Variants in PDE4D observed in about 807,000 individuals in gnomAD.
PDE4D encodes 3',5'-cyclic-AMP phosphodiesterase 4D.
A neutral mutation model predicts 87.4 loss-of-function variants in PDE4D; 24 were observed. That is an observed-to-expected ratio of 0.27 (90% confidence interval 0.20 to 0.39). The LOEUF (loss-of-function observed/expected upper bound fraction) is 0.39. PDE4D is among the 10% of genes least tolerant of loss of function. The pLI is 1.00. For missense variants in PDE4D, 714 were observed against 1,041.0 expected, an observed-to-expected ratio of 0.69 and a Z score of 4.32; for synonymous variants, 384 against 383.2, an observed-to-expected ratio of 1.00 and a Z score of -0.02.
intron 1 of PDE4D, among the ~76,000 whole-genome samples, chr5:59,816,866 C>G (rs1377820516): frequency 6.6e-6 from 1 of 152,220 alleles, no homozygotes; most frequent in East Asian, 1.9e-4. Flanking sequence ...TCACCAGAAC[C>G]TCAGCATGCA....
chr5:59,417,927 A>C (rs1046985697), intron 1 of PDE4D, among the ~76,000 whole-genome samples: 1 of 152,190 alleles, frequency 6.6e-6, no homozygotes. Context: ...TTGAAAAGCA[A>C]AAACAACAAC....
At chr5:59,088,062 C>T (rs1768030732) in intron 5 of PDE4D, among the ~76,000 whole-genome samples, 1 of 152,054 alleles carries the variant, frequency 6.6e-6, no homozygotes, top group South Asian at 2.1e-4. Context: ...CCTAGGCATG[C>T]AATACATGTT....
intron 1 of PDE4D, among the ~76,000 whole-genome samples, chr5:60,239,027 C>T (rs1161987545): frequency 6.6e-6 from 1 of 151,988 alleles, no homozygotes; most frequent in Non-Finnish European, 1.5e-5. Flanking sequence ...GGGTTTTAGT[C>T]TTAAGAAATC....
At chr5:59,937,658 C>G (rs905149331) in intron 3 of PDE4D, among the ~76,000 whole-genome samples, 1 of 152,166 alleles carries the variant, frequency 6.6e-6, no homozygotes, top group South Asian at 2.1e-4. Context: ...GAATTAAGAC[C>G]CTACATTTAT....
intron 1 of PDE4D, among the ~76,000 whole-genome samples, chr5:60,333,543 G>T (rs4460096): frequency 0.06 from 9,082 of 152,198 alleles, 894 homozygotes; most frequent in African/African-American, 0.21. Context: ...GGCTCAGAAG[G>T]TTCCAAATAT....
rs577584519 is a variant in PDE4D at position 59,644,538 on chromosome 5, CCA to C, written c.455+248628_455+248629del. 3.1e-3 allele frequency among the ~76,000 whole-genome samples: 476 copies of C among 152,220 alleles called. 2 individuals are homozygous for C. Among genetic ancestry groups the C allele is most frequent in the Non-Finnish European group, 5.3e-3 (360 of 67,992 alleles). ...TGCAGATTGTTCCTGAATTATGGTC[CCA>C]CAGTCATGCTGCATTGCTCACTGGA... is the stretch of plus-strand genomic sequence containing the variant. On this transcript the variant is annotated intron_variant, in intron 1 of 14. Coordinates refer to ENST00000340635, the MANE Select transcript of PDE4D (RefSeq NM_001104631.2).
At chr5:59,797,482 G>A (rs1292581577) in intron 1 of PDE4D, among the ~76,000 whole-genome samples, 1 of 152,170 alleles carries the variant, frequency 6.6e-6, no homozygotes, top group East Asian at 1.9e-4. Context: ...TACATGAAAT[G>A]GTATATAGCC....
intron 1 of PDE4D, among the ~76,000 whole-genome samples, chr5:59,378,907 G>A (rs924778166): frequency 6.6e-6 from 1 of 152,088 alleles, no homozygotes; most frequent in African/African-American, 2.4e-5. Context: ...ATAGGGAAAG[G>A]CAAGGGCAGA....
Position 60,355,675 on chromosome 5 carries a change from A to G in PDE4D, c.-90+132267T>C, listed in dbSNP as rs544625511. 4.5e-4 allele frequency among the ~76,000 whole-genome samples: 69 copies of G among 152,254 alleles called. 1 individual carries two copies. The highest frequency in any genetic ancestry group is 3.3e-3 in the South Asian group (16 of 4,828). ...GAGCAATACTATAAACAGCCAATTA[A>G]CACGTATTTTGTATATTATATATAT... On this transcript the variant is annotated intron_variant, in intron 1 of 16. Coordinates refer to the PDE4D transcript ENST00000502484.
At chr5:59,002,452 T>C (rs1202271252) in intron 6 of PDE4D, among the ~76,000 whole-genome samples, 1 of 152,032 alleles carries the variant, frequency 6.6e-6, no homozygotes, top group Non-Finnish European at 1.5e-5. Context: ...CTGCTTTCTT[T>C]GAATGTGCTA....
chr5:59,416,135 T>C (rs540424823), intron 1 of PDE4D, among the ~76,000 whole-genome samples: 2 of 152,344 alleles, frequency 1.3e-5, no homozygotes, highest in African/African-American at 4.8e-5. Context: ...ATTTCACAGT[T>C]GTCAGAAAAT....
intron 1 of PDE4D, among the ~76,000 whole-genome samples, chr5:59,771,212 T>C (rs1763403171): frequency 6.6e-6 from 1 of 151,252 alleles, no homozygotes; most frequent in Non-Finnish European, 1.5e-5. Context: ...CTTGGGGAGC[T>C]TATAGCCTAA....
At chr5:59,216,294 A>G (rs1751249559) in intron 1 of PDE4D, among the ~76,000 whole-genome samples, 1 of 152,190 alleles carries the variant, frequency 6.6e-6, no homozygotes. Context: ...ACAAATACAC[A>G]GTAATTCATC....
At chr5:60,167,266 C>CTTTTTTTTTTTTT (rs142613050) in intron 2 of PDE4D, among the ~76,000 whole-genome samples, 1 of 86,490 alleles carries the variant, frequency 1.2e-5, no homozygotes, top group African/African-American at 4.7e-5. Flanking sequence ...TGTGTATTTT[C>CTTTTTTTTTTTTT]TTTTTTTTTT....
At chr5:60,047,453 T>C (rs903086413) in intron 2 of PDE4D, among the ~76,000 whole-genome samples, 1 of 152,242 alleles carries the variant, frequency 6.6e-6, no homozygotes, top group Non-Finnish European at 1.5e-5. Context: ...CTTTTAATTG[T>C]GATGTTAGGG....
chr5:59,962,476 C>T (rs958545593), intron 3 of PDE4D, among the ~76,000 whole-genome samples: 4 of 151,962 alleles, frequency 2.6e-5, no homozygotes, highest in African/African-American at 9.7e-5. Context: ...CACCCACAAA[C>T]ACACACACCA....
chr5:59,758,278 T>C (rs1171192122), intron 1 of PDE4D, among the ~76,000 whole-genome samples: 1 of 152,198 alleles, frequency 6.6e-6, no homozygotes, highest in Non-Finnish European at 1.5e-5. Flanking sequence ...CCTTGGTTGT[T>C]TTAAGGGGTT....
chr5:59,482,810 A>G (rs888841219), intron 1 of PDE4D, among the ~76,000 whole-genome samples: 16 of 152,220 alleles, frequency 1.1e-4, no homozygotes, highest in African/African-American at 3.9e-4. Context: ...TCCTACATAA[A>G]TCTACTATTT....
At chr5:59,677,049 T>C (rs1046717634) in intron 1 of PDE4D, among the ~76,000 whole-genome samples, 1 of 151,654 alleles carries the variant, frequency 6.6e-6, no homozygotes, top group African/African-American at 2.4e-5. Context: ...TGGATGGCTT[T>C]AAAAGGAAAA....
Sources: allele counts gnomAD v4.1 joint callset (sites outside exome capture counted in the v4.1 genomes callset), GRCh38; gene constraint gnomAD v4.1.1; transcripts MANE v1.5; gene names NCBI Gene and HGNC (gene_info 2026-07-23, HGNC 2026-07-21).